MYT1L: variants seen among roughly 807,000 people sequenced by gnomAD.
MYT1L encodes myelin transcription factor 1-like protein.
A neutral mutation model predicts 126.7 loss-of-function variants in MYT1L; 12 were observed. The ratio of observed to expected loss-of-function variants is 0.09; its 90% CI spans 0.06 to 0.15. The LOEUF is 0.15. Ranked by LOEUF, MYT1L falls within the 10% of genes least tolerant of loss-of-function variation. MYT1L has a pLI of 1.00. For missense variants in MYT1L, 979 were observed against 1,585.2 expected, an observed-to-expected ratio of 0.62 and a Z score of 6.49; for synonymous variants, 541 against 604.2, an observed-to-expected ratio of 0.90 and a Z score of 1.53.
chr2:2,056,415 A>G (rs1325656010), intron 3 of MYT1L, among the ~76,000 whole-genome samples: 2 of 152,218 alleles, frequency 1.3e-5, no homozygotes, highest in Non-Finnish European at 2.9e-5. Flanking sequence ...TAGATTTAAA[A>G]GCCACTGACA....
chr2:1,936,405 T>A (rs990815480), intron 9 of MYT1L, among the ~76,000 whole-genome samples: 1 of 152,250 alleles, frequency 6.6e-6, no homozygotes, highest in African/African-American at 2.4e-5. Context: ...TCTAATTCTA[T>A]GATTACTCAT....
In MYT1L at chr2:2,144,724, T is replaced by C. The variant is rs566351862; in HGVS notation, c.-304+28148A>G. Among the ~76,000 whole-genome samples, 520 of 152,300 alleles carry C rather than the reference T, an allele frequency of 3.4e-3. 3 individuals are homozygous for C. The highest frequency in any genetic ancestry group is 5.5e-3 in the Non-Finnish European group (373 of 68,030). ...CACTTACATGTAATGGAATCGTTTGTAAAGGATTAAAGGAGCTAGAACGTT... is the reference window on the plus strand; with the variant it reads ...CACTTACATGTAATGGAATCGTTTGCAAAGGATTAAAGGAGCTAGAACGTT... On this transcript the variant is annotated intron_variant, in intron 3 of 24. Coordinates refer to ENST00000647738, the MANE Select transcript of MYT1L (RefSeq NM_001303052.2).
chr2:2,131,844 C>T (rs1396137931), intron 3 of MYT1L, among the ~76,000 whole-genome samples: 2 of 151,388 alleles, frequency 1.3e-5, no homozygotes, highest in African/African-American at 4.9e-5. Flanking sequence ...TCAGACACCA[C>T]GTTCTCTGCA....
chr2:1,843,064 A>C (rs893217425), intron 19 of MYT1L, among the ~76,000 whole-genome samples: 14 of 152,144 alleles, frequency 9.2e-5, no homozygotes, highest in Admixed American at 3.9e-4. Context: ...GAGTTCTTCC[A>C]CGCGACTCGT....
intron 3 of MYT1L, among the ~76,000 whole-genome samples, chr2:2,068,630 A>G (rs945894737): frequency 6.6e-6 from 1 of 152,152 alleles, no homozygotes; most frequent in Non-Finnish European, 1.5e-5. Context: ...TCTGAAAGAT[A>G]ATAGTATTTC....
At chr2:1,949,200 ACTTCTCACAATT>A (rs2057509664) in intron 8 of MYT1L, among the ~76,000 whole-genome samples, 1 of 152,162 alleles carries the variant, frequency 6.6e-6, no homozygotes, top group Non-Finnish European at 1.5e-5. Context: ...TTATCCTTGG[ACTTCTCACAATT>A]CAGCAGCAGC....
chr2:2,281,937 G>A (rs1366479367), intron 2 of MYT1L, among the ~76,000 whole-genome samples: 13 of 152,284 alleles, frequency 8.5e-5, no homozygotes, highest in East Asian at 7.7e-4. Context: ...AGGTGGCATG[G>A]GGGCAGAAAT....
In MYT1L at chr2:1,892,020, T is replaced by C; in HGVS notation, c.2283+17A>G. The C allele has an allele frequency of 2.0e-6, 3 of 1,498,084 alleles. No individual in the cohort carries two copies. The highest frequency in any genetic ancestry group is 2.5e-5 in the East Asian group (1 of 39,886). The allele number at this position is 1,498,084 out of a possible 1,614,324, so 92.8% of individuals were successfully genotyped here. ...CCCCCACCCGCCAGGTGGCTCCACCTGCCCAGGCGCGCGTACCCGCGTGGC... is the reference window on the plus strand; with the variant it reads ...CCCCCACCCGCCAGGTGGCTCCACCCGCCCAGGCGCGCGTACCCGCGTGGC... On this transcript the variant is annotated intron_variant, in intron 15 of 24. Coordinates refer to ENST00000647738, the MANE Select transcript of MYT1L (RefSeq NM_001303052.2).
chr2:1,794,272 C>T (rs1259954974), intron 23 of MYT1L, among the ~76,000 whole-genome samples: 3 of 152,360 alleles, frequency 2.0e-5, no homozygotes, highest in Admixed American at 2.0e-4. Context: ...CGCTGGCCCT[C>T]AGCGGGCCCT....
chr2:1,939,113 C>T (rs752155345), intron 9 of MYT1L, among the ~76,000 whole-genome samples: 16 of 152,346 alleles, frequency 1.1e-4, no homozygotes, highest in Non-Finnish European at 1.0e-4. Context: ...CCAGCAGTTC[C>T]GTCACGACGC....
intron 3 of MYT1L, among the ~76,000 whole-genome samples, chr2:2,106,199 T>TA (rs766638384): frequency 6.6e-5 from 10 of 152,324 alleles, no homozygotes; most frequent in Non-Finnish European, 1.2e-4. Flanking sequence ...TCAACTTTTA[T>TA]AAAAATAAAG....
At chr2:1,995,086 A>G (rs1231380642) in intron 5 of MYT1L, among the ~76,000 whole-genome samples, 1 of 152,124 alleles carries the variant, frequency 6.6e-6, no homozygotes, top group Non-Finnish European at 1.5e-5. Flanking sequence ...AATGGGAAAC[A>G]TGAAGTTTAG....
intron 2 of MYT1L, among the ~76,000 whole-genome samples, chr2:2,280,658 C>T (rs933071900): frequency 4.6e-5 from 7 of 152,286 alleles, no homozygotes; most frequent in South Asian, 2.1e-4. Context: ...TCGTAGGACA[C>T]GGCTGCAGTG....
rs1003199879 is a variant in MYT1L at position 2,073,460 on chromosome 2, T to C, written c.-303-19337A>G. ...TAATGGAGAGACTTCATCCTAACAT[T>C]GATGGCTCTACAGAGGCTTTCCTCT... On this transcript the variant is annotated intron_variant, in intron 3 of 24. Transcript: ENST00000647738. Among the ~76,000 whole-genome samples the C allele has an allele frequency of 6.6e-5, 10 of 152,202 alleles. No homozygotes were observed. The East Asian group carries it at 1.9e-3, about 30-fold the overall frequency.
At chr2:1,961,671 T>C (rs1228581907) in intron 8 of MYT1L, among the ~76,000 whole-genome samples, 1 of 152,228 alleles carries the variant, frequency 6.6e-6, no homozygotes, top group Non-Finnish European at 1.5e-5. Flanking sequence ...CCTAAATGTC[T>C]ATGATTTTAA....
At chr2:2,283,199 G>T (rs865776695) in intron 2 of MYT1L, among the ~76,000 whole-genome samples, 2 of 152,232 alleles carry the variant, frequency 1.3e-5, no homozygotes, top group Admixed American at 6.5e-5. Flanking sequence ...GACTGTCAAA[G>T]AAATCAGTCT....
At chr2:2,167,910 T>C (rs1363991628) in intron 3 of MYT1L, among the ~76,000 whole-genome samples, 4 of 152,200 alleles carry the variant, frequency 2.6e-5, no homozygotes, top group Non-Finnish European at 5.9e-5. Flanking sequence ...TGGCATGTAG[T>C]AGTTGACTCA....
chr2:2,269,580 C>G (rs2095219587), intron 2 of MYT1L, among the ~76,000 whole-genome samples: 1 of 152,170 alleles, frequency 6.6e-6, no homozygotes. Context: ...GCTCTTCCCT[C>G]CAAGCTGTCA....
intron 23 of MYT1L, among the ~76,000 whole-genome samples, chr2:1,799,702 C>T (rs1212864437): frequency 6.6e-6 from 1 of 152,222 alleles, no homozygotes; most frequent in African/African-American, 2.4e-5. Flanking sequence ...GGCTTGTCAC[C>T]CTCATAAACA....
Sources: gnomAD v4.1 joint callset for allele counts (sites outside exome capture counted in the v4.1 genomes callset) on GRCh38, gnomAD v4.1.1 for gene constraint, MANE v1.5 for transcripts, NCBI Gene and HGNC (gene_info 2026-07-23, HGNC 2026-07-21) for gene names.